Variants in MARCHF1 observed in about 807,000 individuals in gnomAD.
MARCHF1 encodes the protein E3 ubiquitin-protein ligase MARCHF1.
A neutral mutation model predicts 54.2 loss-of-function variants in MARCHF1; 40 were observed. That is an observed-to-expected ratio of 0.74 (90% CI 0.57 to 0.96). The LOEUF (loss-of-function observed/expected upper bound fraction) is 0.96. Ranked by LOEUF, MARCHF1 falls within the 40% of genes least tolerant of loss-of-function variation. MARCHF1 has a pLI of 0.00. For missense variants in MARCHF1, 586 were observed against 656.5 expected (o/e 0.89, Z 1.17); for synonymous variants, 236 against 236.3 (o/e 1.00, Z 0.01).
intron 4 of MARCHF1, among the ~76,000 whole-genome samples, chr4:163,724,475 C>A (rs971404823): frequency 6.6e-6 from 1 of 152,228 alleles, no homozygotes; most frequent in Non-Finnish European, 1.5e-5. Flanking sequence ...CTTGAGGAGG[C>A]AGTCTGTCCG....
intron 4 of MARCHF1, among the ~76,000 whole-genome samples, chr4:163,823,006 T>C (rs571224251): frequency 6.6e-6 from 1 of 151,856 alleles, no homozygotes; most frequent in South Asian, 2.1e-4. Context: ...AGATCCATTA[T>C]GCTAATAACA....
intron 1 of MARCHF1, among the ~76,000 whole-genome samples, chr4:164,291,402 C>T (rs1057029182): frequency 5.9e-5 from 9 of 151,912 alleles, no homozygotes; most frequent in African/African-American, 2.2e-4. Flanking sequence ...ACTTTAGTAA[C>T]AAAATTATCT....
intron 2 of MARCHF1, among the ~76,000 whole-genome samples, chr4:164,063,226 G>C (rs1215367466): frequency 6.6e-6 from 1 of 152,184 alleles, no homozygotes; most frequent in Non-Finnish European, 1.5e-5. Flanking sequence ...CCTAATAACA[G>C]AGTCAGACTG....
At chr4:164,136,426 A>T (rs768315777) in intron 1 of MARCHF1, among the ~76,000 whole-genome samples, 1 of 152,046 alleles carries the variant, frequency 6.6e-6, no homozygotes, top group African/African-American at 2.4e-5. Context: ...AAGTTAGAGG[A>T]GAGTGAGTGA....
chr4:163,891,976 C>T (rs1329159724), intron 3 of MARCHF1, among the ~76,000 whole-genome samples: 1 of 151,840 alleles, frequency 6.6e-6, no homozygotes, highest in Non-Finnish European at 1.5e-5. Context: ...TTTAATGAGG[C>T]ACTAAAAAGT....
At chr4:163,740,266 T>C (rs1272116945) in intron 4 of MARCHF1, among the ~76,000 whole-genome samples, 2 of 152,318 alleles carry the variant, frequency 1.3e-5, no homozygotes, top group Non-Finnish European at 1.5e-5. Flanking sequence ...TTCACCATTA[T>C]ATGTTTTAGT....
chr4:163,750,854 T>C (rs1325125115), intron 4 of MARCHF1, among the ~76,000 whole-genome samples: 1 of 152,170 alleles, frequency 6.6e-6, no homozygotes, highest in African/African-American at 2.4e-5. Context: ...TTCTCTCTGG[T>C]ATGTAAGATT....
chr4:163,959,590 G>A (rs1752304257), intron 3 of MARCHF1, among the ~76,000 whole-genome samples: 2 of 152,006 alleles, frequency 1.3e-5, no homozygotes, highest in Non-Finnish European at 2.9e-5. Flanking sequence ...AATAAATGGT[G>A]TTAGGATAAC....
At chr4:164,135,988 A>G (rs1357534351) in intron 1 of MARCHF1, among the ~76,000 whole-genome samples, 1 of 152,202 alleles carries the variant, frequency 6.6e-6, no homozygotes, top group East Asian at 1.9e-4. Context: ...TTTAGGTAAG[A>G]AAGACTACAT....
chr4:164,223,461 C>G (rs1732168333), intron 1 of MARCHF1, among the ~76,000 whole-genome samples: 2 of 151,872 alleles, frequency 1.3e-5, no homozygotes, highest in African/African-American at 4.8e-5. Flanking sequence ...GGTGCAATAA[C>G]AAACTTAGTG....
intron 3 of MARCHF1, among the ~76,000 whole-genome samples, chr4:163,982,773 C>A (rs892758616): frequency 6.6e-6 from 1 of 152,120 alleles, no homozygotes; most frequent in African/African-American, 2.4e-5. Flanking sequence ...AAGCTCCAAC[C>A]TTTTCCCTCA....
At chr4:163,536,373 G>A (rs1738529501) in intron 9 of MARCHF1, among the ~76,000 whole-genome samples, 1 of 151,952 alleles carries the variant, frequency 6.6e-6, no homozygotes, top group Admixed American at 6.6e-5. Context: ...TTCTTTCTGT[G>A]TTTTGCTTCC....
At chr4:163,704,214 T>C (rs1020598232) in intron 4 of MARCHF1, among the ~76,000 whole-genome samples, 3 of 151,924 alleles carry the variant, frequency 2.0e-5, no homozygotes, top group Admixed American at 6.6e-5. Context: ...TCCCCCCTTT[T>C]TTCAGGTTAA....
chr4:163,849,549 T>C (rs536015991), intron 4 of MARCHF1, among the ~76,000 whole-genome samples: 1 of 152,292 alleles, frequency 6.6e-6, no homozygotes, highest in Admixed American at 6.5e-5. Context: ...AATTTCCCTA[T>C]TCAGGTTATA....
At chr4:163,618,689 T>C (rs962064882) in intron 5 of MARCHF1, among the ~76,000 whole-genome samples, 1 of 152,268 alleles carries the variant, frequency 6.6e-6, no homozygotes, top group South Asian at 2.1e-4. Flanking sequence ...TCCTAGCTTG[T>C]TTCACTGTCG....
At chr4:163,746,058 T>G (rs1746351512) in intron 4 of MARCHF1, among the ~76,000 whole-genome samples, 1 of 152,186 alleles carries the variant, frequency 6.6e-6, no homozygotes, top group African/African-American at 2.4e-5. Context: ...ATTCTTGGTG[T>G]TGTTCATTCT....
Position 163,613,339 on chromosome 4 carries a change from A to G in MARCHF1, c.217T>C (p.Cys73Arg). The G allele has an allele frequency of 1.2e-6, 2 of 1,612,790 alleles. No homozygotes were observed. The highest frequency in any genetic ancestry group is 1.7e-6 in the Non-Finnish European group (2 of 1,179,332). Residue 73 changes from cysteine (C) to arginine (R), a missense_variant, in exon 6 of 10, where the codon TGT becomes CGT. Cys to Arg is a radical substitution (Grantham distance 180). Transcript: ENST00000514618. ...CTGCAGATGTCCTGAGTGGATGGACAGACAGACAACCTTGACTGGCTCCTG... is the reference window on the plus strand; with the variant it reads ...CTGCAGATGTCCTGAGTGGATGGACGGACAGACAACCTTGACTGGCTCCTG... ...APRSQSRLSV[C>R]PSTQDICRSA...
intron 1 of MARCHF1, among the ~76,000 whole-genome samples, chr4:164,245,365 T>C (rs541811307): frequency 6.6e-6 from 1 of 152,322 alleles, no homozygotes; most frequent in South Asian, 2.1e-4. Context: ...ATTATCTCAA[T>C]AGATGCAGAA....
chr4:164,073,130 C>T (rs1051118178), intron 2 of MARCHF1, among the ~76,000 whole-genome samples: 2 of 152,260 alleles, frequency 1.3e-5, no homozygotes, highest in African/African-American at 2.4e-5. Context: ...GTGACTTGTA[C>T]AGACATTATA....
Sources: gnomAD v4.1 joint callset for allele counts (sites outside exome capture counted in the v4.1 genomes callset) on GRCh38, gnomAD v4.1.1 for gene constraint, MANE v1.5 for transcripts, NCBI Gene and HGNC (gene_info 2026-07-23, HGNC 2026-07-21) for gene names.